Variants in AFF3 observed in about 807,000 individuals in gnomAD.
The protein encoded by AFF3 is ALF transcription elongation factor 3, also known as AF4/FMR2 family member 3.
Under a neutral mutation model 129.7 loss-of-function variants are expected in AFF3, and 32 were observed. The ratio of observed to expected loss-of-function variants is 0.25; its 90% CI spans 0.19 to 0.33. AFF3 has a LOEUF of 0.33. Among genes scored for constraint, AFF3 ranks in the 10% least tolerant of loss-of-function variants. The probability of loss-of-function intolerance (pLI) is 1.00; values close to 1 mark genes in which losing one functional copy is unlikely to be tolerated. For synonymous variants in AFF3, 644 were observed against 635.4 expected, an observed-to-expected ratio of 1.01 and a Z score of -0.20; for missense variants, 1,373 against 1,592.0, an observed-to-expected ratio of 0.86 and a Z score of 2.34.
At chr2:99,636,211 T>C (rs1271419757) in intron 13 of AFF3, among the ~76,000 whole-genome samples, 7 of 152,116 alleles carry the variant, frequency 4.6e-5, no homozygotes, top group African/African-American at 1.2e-4. Flanking sequence ...CAAAGTAAGA[T>C]GAGGAACTGT....
At chr2:99,555,453 A>C (rs552874262) in intron 22 of AFF3, among the ~76,000 whole-genome samples, 18 of 152,348 alleles carry the variant, frequency 1.2e-4, no homozygotes, top group African/African-American at 4.3e-4. Flanking sequence ...GAATTGATTA[A>C]AATATATTTC....
intron 4 of AFF3, among the ~76,000 whole-genome samples, chr2:100,030,497 G>C (rs190699704): frequency 6.6e-6 from 1 of 152,288 alleles, no homozygotes; most frequent in Non-Finnish European, 1.5e-5. Context: ...ATGCAATCCA[G>C]CAATCAAGCT....
intron 4 of AFF3, among the ~76,000 whole-genome samples, chr2:100,015,795 C>T (rs1312468781): frequency 1.3e-5 from 2 of 152,126 alleles, no homozygotes; most frequent in African/African-American, 4.8e-5. Context: ...GCAAGAATCT[C>T]CCAACTGGAG....
intron 10 of AFF3, among the ~76,000 whole-genome samples, chr2:99,739,622 T>C (rs1225309588): frequency 6.6e-6 from 1 of 151,756 alleles, no homozygotes; most frequent in Admixed American, 6.6e-5. Flanking sequence ...ATCTACCTTT[T>C]AAAAGATTTG....
chr2:99,738,898 T>C (rs1007886291), intron 10 of AFF3, among the ~76,000 whole-genome samples: 1 of 152,108 alleles, frequency 6.6e-6, no homozygotes, highest in Admixed American at 6.5e-5. Context: ...CCTTGAGAAA[T>C]AGTTGACTCT....
At chr2:99,630,800 T>C in intron 13 of AFF3, 1 of 218,880 alleles carries the variant, frequency 4.6e-6, no homozygotes, top group Non-Finnish European at 1.0e-5. Flanking sequence ...ACCACTCCCA[T>C]AATCCAATCA....
rs1375231182 is a variant in AFF3 at position 99,572,902 on chromosome 2, C to T, written c.2919-3987G>A. On this transcript the variant is annotated intron_variant, in intron 18 of 24. Transcript: ENST00000672756. ...AGGATTCAAACACAGCTTTTATTTCCACAACTTTGATGTCGGCTGGGGCTC... is the reference window on the plus strand; with the variant it reads ...AGGATTCAAACACAGCTTTTATTTCTACAACTTTGATGTCGGCTGGGGCTC... 2.0e-5 allele frequency among the ~76,000 whole-genome samples: 3 copies of T among 152,076 alleles called. No individual in the cohort carries two copies. In the East Asian group the frequency reaches 5.8e-4, roughly 29 times the overall value.
intron 11 of AFF3, among the ~76,000 whole-genome samples, chr2:99,711,598 C>G (rs1367461482): frequency 6.6e-6 from 1 of 152,138 alleles, no homozygotes; most frequent in Non-Finnish European, 1.5e-5. Context: ...TTTTACATCT[C>G]AACTAGAATC....
chr2:99,792,536 C>A (rs1469916303), intron 8 of AFF3, among the ~76,000 whole-genome samples: 1 of 152,080 alleles, frequency 6.6e-6, no homozygotes, highest in African/African-American at 2.4e-5. Flanking sequence ...ATGAAATTGG[C>A]AAGAGTATAT....
chr2:99,602,579 C>CA (rs1251744687), intron 13 of AFF3, among the ~76,000 whole-genome samples: 1 of 152,154 alleles, frequency 6.6e-6, no homozygotes, highest in Non-Finnish European at 1.5e-5. Context: ...CCTTTATTAA[C>CA]AAAATTGAAA....
chr2:99,919,654 G>T lies in AFF3; in HGVS notation c.874-82130C>A, dbSNP rs1033204084. Among the ~76,000 whole-genome samples the T allele has an allele frequency of 5.9e-5, 9 of 151,494 alleles. 1 individual carries two copies. Among genetic ancestry groups the T allele is most frequent in the South Asian group, 2.1e-4 (1 of 4,808 alleles). On this transcript the variant is annotated intron_variant, in intron 7 of 24. Transcript: ENST00000672756. The stretch of plus-strand genomic sequence containing the variant: ...CCTAACCAACTGGTAGTTCCTTTAA[G>T]ACAAAAGTTAAAAGCAATACAGTTC...
At chr2:99,648,297 A>T (rs1684873612) in intron 13 of AFF3, among the ~76,000 whole-genome samples, 1 of 16,128 alleles carries the variant, frequency 6.2e-5, no homozygotes, top group South Asian at 3.3e-3. Context: ...AACAATGACC[A>T]AGTTTCCCTT....
chr2:100,022,364 T>C (rs1683659294), intron 4 of AFF3, among the ~76,000 whole-genome samples: 1 of 152,214 alleles, frequency 6.6e-6, no homozygotes, highest in Non-Finnish European at 1.5e-5. Flanking sequence ...AATGTGTTTG[T>C]TTCCTCTTAC....
intron 7 of AFF3, among the ~76,000 whole-genome samples, chr2:99,936,278 G>T (rs548625209): frequency 6.6e-6 from 1 of 152,244 alleles, no homozygotes; most frequent in South Asian, 2.1e-4. Context: ...GTTACAGCCT[G>T]GTGGGGCTAT....
Position 100,138,577 on chromosome 2 carries a change from G to A in AFF3, c.-228+3907C>T, listed in dbSNP as rs76545928. Among the ~76,000 whole-genome samples the A allele has an allele frequency of 7.1e-4, 108 of 152,294 alleles. 4 individuals are homozygous for A. In the East Asian group the frequency reaches 0.02, roughly 28 times the overall value. ...TCCAAGAGGAAAATAGAAAAAGGGA[G>A]CTCATACCACTTAAAAAGATTTCTC... On this transcript the variant is annotated intron_variant, in intron 1 of 24. Coordinates refer to ENST00000672756, the MANE Select transcript of AFF3 (RefSeq NM_001386135.1).
chr2:99,961,905 C>T (rs962392816), intron 7 of AFF3, among the ~76,000 whole-genome samples: 11 of 152,146 alleles, frequency 7.2e-5, no homozygotes, highest in Non-Finnish European at 1.2e-4. Flanking sequence ...ATCAATCACC[C>T]CACTGAAAAA....
intron 7 of AFF3, among the ~76,000 whole-genome samples, chr2:99,964,014 A>T (rs749823178): frequency 6.6e-6 from 1 of 152,130 alleles, no homozygotes; most frequent in Non-Finnish European, 1.5e-5. Context: ...AAAGTAAAAT[A>T]CTAAAGACAA....
At position 100,008,799 on chromosome 2, in the gene AFF3, G is replaced by C; in HGVS notation, c.174+13C>G. 1 of 1,612,398 alleles carries C rather than the reference G, an allele frequency of 6.2e-7. No individual in the cohort carries two copies. Among genetic ancestry groups the C allele is most frequent in the Non-Finnish European group, 8.5e-7 (1 of 1,179,230 alleles). Reference sequence around the variant, plus strand: ...AAGTGAGAGGTAGAGATGAACAACTGAAAACCATCTACCTTGTAGGGCTCA... The same window carrying C: ...AAGTGAGAGGTAGAGATGAACAACTCAAAACCATCTACCTTGTAGGGCTCA... On this transcript the variant is annotated intron_variant, in intron 5 of 24. Coordinates refer to ENST00000672756, the MANE Select transcript of AFF3 (RefSeq NM_001386135.1).
chr2:99,766,521 G>C (rs1683035926), intron 8 of AFF3, among the ~76,000 whole-genome samples: 1 of 152,106 alleles, frequency 6.6e-6, no homozygotes, highest in Non-Finnish European at 1.5e-5. Context: ...GAGGAAAGCT[G>C]GTTAGCCTTG....
Sources: allele counts gnomAD v4.1 joint callset (sites outside exome capture counted in the v4.1 genomes callset), GRCh38; gene constraint gnomAD v4.1.1; transcripts MANE v1.5; gene names NCBI Gene and HGNC (gene_info 2026-07-23, HGNC 2026-07-21).